Variants in NRG1 observed in about 807,000 individuals in gnomAD.
NRG1 encodes neuregulin 1.
Under a neutral mutation model 63.8 loss-of-function variants are expected in NRG1, and 18 were observed. The observed-to-expected ratio is 0.28, with a 90% CI of 0.19 to 0.42. NRG1 has a LOEUF of 0.42. NRG1 is among the 10% of genes least tolerant of loss of function. The probability of loss-of-function intolerance (pLI) is 1.00; values close to 1 mark genes in which losing one functional copy is unlikely to be tolerated. For synonymous variants in NRG1, 302 were observed against 301.3 expected, an observed-to-expected ratio of 1.00 and a Z score of -0.02; for missense variants, 762 against 814.7, an observed-to-expected ratio of 0.94 and a Z score of 0.79.
intron 1 of NRG1, among the ~76,000 whole-genome samples, chr8:32,137,088 A>C (rs908488928): frequency 6.6e-6 from 1 of 152,136 alleles, no homozygotes; most frequent in African/African-American, 2.4e-5. Context: ...TTCTATGATG[A>C]ATTTTTAATT....
exon 12 of NRG1, chr8:32,765,733 C>A (rs1158247210): frequency 6.6e-6 from 1 of 152,096 alleles, no homozygotes; most frequent in Non-Finnish European, 1.5e-5. Context: ...GCAGAAGTGA[C>A]CCCCACCTGT....
intron 5 of NRG1, among the ~76,000 whole-genome samples, chr8:32,679,903 A>G (rs1373725488): frequency 6.6e-6 from 1 of 152,242 alleles, no homozygotes; most frequent in Admixed American, 6.5e-5. Flanking sequence ...AATTCCTGAA[A>G]GTCATTATTA....
chr8:32,622,591 C>T (rs764910204), intron 5 of NRG1, among the ~76,000 whole-genome samples: 32 of 152,064 alleles, frequency 2.1e-4, no homozygotes, highest in East Asian at 5.8e-4. Context: ...GACAGGGTTT[C>T]GCCATGTTCC....
chr8:31,795,894 G>A (rs1469186983), intron 1 of NRG1, among the ~76,000 whole-genome samples: 1 of 152,108 alleles, frequency 6.6e-6, no homozygotes, highest in Non-Finnish European at 1.5e-5. Context: ...TGAAGAACTT[G>A]GTTTCTGGCC....
chr8:31,813,315 T>C (rs1392843033), intron 1 of NRG1, among the ~76,000 whole-genome samples: 2 of 152,126 alleles, frequency 1.3e-5, no homozygotes, highest in Non-Finnish European at 2.9e-5. Context: ...ATGGGGTACA[T>C]GTGATACTTT....
At position 31,964,799 on chromosome 8, in the gene NRG1, A is replaced by G. The variant is rs553421033; in HGVS notation, c.37+325368A>G. On this transcript the variant is annotated intron_variant, in intron 1 of 10. Coordinates refer to the NRG1 transcript ENST00000519301. ...ACGAGTTCGTTTTCTTTAACAGATGAGGTAACTGAGCCACATAAAAATTAA... is the reference window on the plus strand; with the variant it reads ...ACGAGTTCGTTTTCTTTAACAGATGGGGTAACTGAGCCACATAAAAATTAA... 2.0e-5 allele frequency among the ~76,000 whole-genome samples: 3 copies of G among 152,320 alleles called. No individual in the cohort carries two copies. In the East Asian group the frequency reaches 5.8e-4, roughly 29 times the overall value.
At chr8:31,796,492 G>A (rs1490352162) in intron 1 of NRG1, among the ~76,000 whole-genome samples, 3 of 119,010 alleles carry the variant, frequency 2.5e-5, no homozygotes, top group African/African-American at 3.2e-5. Context: ...GAGTGTGGTG[G>A]CACTATCTCA....
intron 1 of NRG1, among the ~76,000 whole-genome samples, chr8:32,556,652 G>T (rs544510471): frequency 6.6e-6 from 1 of 152,266 alleles, no homozygotes; most frequent in East Asian, 1.9e-4. Flanking sequence ...CTTTTTAGTA[G>T]TTTTAATGTA....
chr8:32,192,959 C>A (rs985943973), intron 1 of NRG1, among the ~76,000 whole-genome samples: 1 of 151,874 alleles, frequency 6.6e-6, no homozygotes, highest in African/African-American at 2.4e-5. Context: ...TTAACAAGAA[C>A]GTAAGCTCAA....
chr8:32,279,179 C>T (rs146479464), intron 1 of NRG1, among the ~76,000 whole-genome samples: 6 of 152,222 alleles, frequency 3.9e-5, no homozygotes, highest in African/African-American at 1.4e-4. Flanking sequence ...GATAAACATT[C>T]TTGAAAAAAC....
chr8:32,420,338 C>A (rs1255124350), intron 1 of NRG1, among the ~76,000 whole-genome samples: 3 of 152,102 alleles, frequency 2.0e-5, no homozygotes, highest in African/African-American at 7.2e-5. Flanking sequence ...GTTCCAAAAA[C>A]TTCCTTTCTC....
intron 5 of NRG1, among the ~76,000 whole-genome samples, chr8:32,657,394 A>G (rs1476079967): frequency 1.3e-5 from 2 of 151,952 alleles, no homozygotes; most frequent in East Asian, 3.9e-4. Context: ...CTCAGGGCAC[A>G]TGGCTCCACA....
chr8:32,550,387 G>A (rs1426620851), intron 1 of NRG1, among the ~76,000 whole-genome samples: 2 of 152,010 alleles, frequency 1.3e-5, no homozygotes, highest in African/African-American at 2.4e-5. Flanking sequence ...AGTACATTAC[G>A]GAGATTTCAG....
At chr8:31,987,550 T>G (rs1257250073) in intron 1 of NRG1, among the ~76,000 whole-genome samples, 1 of 151,820 alleles carries the variant, frequency 6.6e-6, no homozygotes, top group Non-Finnish European at 1.5e-5. Context: ...TGAGTATGCA[T>G]GTACACAAAG....
chr8:32,426,923 A>G (rs1348614963), intron 1 of NRG1, among the ~76,000 whole-genome samples: 3 of 152,128 alleles, frequency 2.0e-5, no homozygotes, highest in African/African-American at 4.8e-5. Context: ...CTGTGTTTAT[A>G]TTAACAATGT....
intron 1 of NRG1, among the ~76,000 whole-genome samples, chr8:32,372,410 T>TA (rs892906948): frequency 2.0e-5 from 3 of 151,780 alleles, no homozygotes; most frequent in Non-Finnish European, 4.4e-5. Context: ...GTATTATGTA[T>TA]AAAAAAAAGT....
chr8:32,293,278 G>C (rs933406927), intron 1 of NRG1, among the ~76,000 whole-genome samples: 14 of 152,250 alleles, frequency 9.2e-5, no homozygotes, highest in African/African-American at 3.1e-4. Flanking sequence ...CAATCACATG[G>C]GTTCTTCTAA....
Position 32,346,229 on chromosome 8 carries a change from TTATA to T in NRG1, c.38-249594_38-249591del, listed in dbSNP as rs1804876825. On this transcript the variant is annotated intron_variant, in intron 1 of 10. Coordinates refer to the NRG1 transcript ENST00000519301. Reference sequence around the variant, plus strand: ...GATGAATAGATATATAGATGGATAATTATATATAGATGAAAATATATTCACATGT... The same window carrying T: ...GATGAATAGATATATAGATGGATAATTATAGATGAAAATATATTCACATGT... Among the ~76,000 whole-genome samples the T allele has an allele frequency of 2.7e-5, 4 of 147,898 alleles. No homozygotes were observed. The South Asian group carries it at 8.4e-4, about 31-fold the overall frequency.
At chr8:32,476,466 C>T (rs1031338067) in intron 1 of NRG1, among the ~76,000 whole-genome samples, 4 of 152,206 alleles carry the variant, frequency 2.6e-5, no homozygotes, top group Admixed American at 6.5e-5. Context: ...CAGGAAGTTT[C>T]TTTCTGACTT....
Sources: allele counts gnomAD v4.1 joint callset (sites outside exome capture counted in the v4.1 genomes callset), GRCh38; gene constraint gnomAD v4.1.1; transcripts MANE v1.5; gene names NCBI Gene and HGNC (gene_info 2026-07-23, HGNC 2026-07-21).